Variants in FBLN1 observed in about 807,000 individuals in gnomAD.
The protein encoded by FBLN1 is fibulin-1.
FBLN1 carries 34 observed loss-of-function variants against 89.7 expected under a neutral mutation model. That is an observed-to-expected ratio of 0.38 (90% CI 0.29 to 0.50). The LOEUF is 0.50. Among genes scored for constraint, FBLN1 ranks in the 20% least tolerant of loss-of-function variants. The pLI is 0.92. For missense variants in FBLN1, 777 were observed against 988.1 expected (o/e 0.79, Z 2.86); for synonymous variants, 393 against 391.3 (o/e 1.00, Z -0.05).
intron 16 of FBLN1, among the ~76,000 whole-genome samples, chr22:45,594,697 GAT>G: frequency 8.5e-6 from 1 of 118,168 alleles, no homozygotes; most frequent in African/African-American, 5.4e-5. Flanking sequence ...TTGGTGGATA[GAT>G]GGATGGATGG....
chr22:45,548,573 T>C, intron 12 of FBLN1, 40 bp from the exon 13 acceptor site: 1 of 1,612,256 alleles, frequency 6.2e-7, no homozygotes, highest in Non-Finnish European at 8.5e-7. Context: ...CATGGCCAGG[T>C]GCCAGGACAC....
At chr22:45,554,141 T>C (rs973158724) in intron 14 of FBLN1, among the ~76,000 whole-genome samples, 8 of 152,204 alleles carry the variant, frequency 5.3e-5, no homozygotes, top group Non-Finnish European at 8.8e-5. Flanking sequence ...TTCCAGCCAG[T>C]AGAGCGGGAG....
intron 14 of FBLN1, among the ~76,000 whole-genome samples, chr22:45,569,017 C>T (rs2088928391): frequency 6.6e-6 from 1 of 152,180 alleles, no homozygotes; most frequent in Non-Finnish European, 1.5e-5. Context: ...GGATAACGGT[C>T]ATCTTGGATC....
At chr22:45,541,783 C>T (rs966621337) in intron 9 of FBLN1, among the ~76,000 whole-genome samples, 2 of 152,258 alleles carry the variant, frequency 1.3e-5, no homozygotes, top group South Asian at 2.1e-4. Context: ...TTTGCTCTCA[C>T]GTCATTCCCT....
rs1444951179 is a variant in FBLN1 at position 45,562,368 on chromosome 22, G to GA, written c.1697+11754dup. On this transcript the variant is annotated intron_variant, in intron 14 of 16. Coordinates refer to ENST00000327858, the MANE Select transcript of FBLN1 (RefSeq NM_006486.3). The surrounding 1 kb of genome is among the most constrained non-coding windows in gnomAD (Gnocchi z 7.8). The stretch of plus-strand genomic sequence containing the variant: ...GAAGTGGGAAGGCCACATTCTCTCT[G>GA]AGCCTCAGTGTCCTCATGTGAAAAA... Among the ~76,000 whole-genome samples, 1 of 152,224 alleles carries GA rather than the reference G, an allele frequency of 6.6e-6. No individual in the cohort carries two copies. The highest frequency in any genetic ancestry group is 6.5e-5 in the Admixed American group (1 of 15,288).
chr22:45,525,632 C>T lies in FBLN1; in HGVS notation c.275C>T (p.Ala92Val). 1 of 1,551,178 alleles carries T rather than the reference C, an allele frequency of 6.4e-7. No individual in the cohort carries two copies. The highest frequency in any genetic ancestry group is 8.7e-7 in the Non-Finnish European group (1 of 1,146,970). ...CTGGCCAACGAGCAGGACCGCTGTG[C>T]CACGCCCCACGGTGACAACGCCAGC... ...ISLANEQDRC[A>V]TPHGDNASLE... The change falls in exon 3 of 17, where the codon GCC becomes GTC. Residue 92 changes from alanine to valine, a missense_variant. Transcript: ENST00000327858.
rs550746067 is a variant in FBLN1, at chr22:45,574,972, C to T, written c.1840+319C>T. Reference sequence around the variant, plus strand: ...AATCTTTTTGTATTTTTAGTAAAGACGGGGTTTCACCGTGTTCGCCAGGAT... The same window carrying T: ...AATCTTTTTGTATTTTTAGTAAAGATGGGGTTTCACCGTGTTCGCCAGGAT... On this transcript the variant is annotated intron_variant, in intron 15 of 16. Coordinates refer to ENST00000327858, the MANE Select transcript of FBLN1 (RefSeq NM_006486.3). The surrounding 1 kb of genome is among the most constrained non-coding windows in gnomAD (Gnocchi z 4.1). Among the ~76,000 whole-genome samples, 26 of 151,944 alleles carry T rather than the reference C, an allele frequency of 1.7e-4. No individual in the cohort carries two copies. Among genetic ancestry groups the T allele is most frequent in the Admixed American group, 3.3e-4 (5 of 15,254 alleles).
At position 45,583,634 on chromosome 22, in the gene FBLN1, G is replaced by A. The variant is rs931824160; in HGVS notation, c.1972+6526G>A. Among the ~76,000 whole-genome samples, 4 of 152,192 alleles carry A rather than the reference G, an allele frequency of 2.6e-5. No homozygotes were observed. Among genetic ancestry groups the A allele is most frequent in the African/African-American group, 4.8e-5 (2 of 41,440 alleles). On this transcript the variant is annotated intron_variant, in intron 16 of 16. Transcript: ENST00000327858. This position sits in a 1 kb window ranked among gnomAD's most constrained non-coding sequence, Gnocchi z 4.5. ...TATACCTTCTAGGCCTGATCAGGAA[G>A]GAAGCTGGGTTTTGGTGTGCCAGTC...
chr22:45,519,611 C>G (rs1449309382), intron 2 of FBLN1, among the ~76,000 whole-genome samples: 1 of 127,528 alleles, frequency 7.8e-6, no homozygotes, highest in South Asian at 2.6e-4. Context: ...GCAACAACAG[C>G]GAAACTCTAA....
intron 10 of FBLN1, 99 bp from the exon 11 acceptor site, chr22:45,543,302 G>T (rs2088581989): frequency 5.6e-6 from 8 of 1,421,024 alleles, no homozygotes; most frequent in Non-Finnish European, 7.8e-6. Flanking sequence ...GGCTGGAGGA[G>T]GTGGAGGACA....
At chr22:45,517,879 C>G (rs2146949191) in intron 1 of FBLN1, among the ~76,000 whole-genome samples, 1 of 151,986 alleles carries the variant, frequency 6.6e-6, no homozygotes, top group East Asian at 1.9e-4. Flanking sequence ...GCCTGTAATC[C>G]CAGCACTTTG....
intron 2 of FBLN1, among the ~76,000 whole-genome samples, chr22:45,523,516 A>T (rs1319731468): frequency 6.6e-6 from 1 of 152,232 alleles, no homozygotes; most frequent in Admixed American, 6.5e-5. Flanking sequence ...CATCCTGGCC[A>T]ACATGGCAAG....
At position 45,576,660 on chromosome 22, in the gene FBLN1, C is replaced by T. The variant is rs1375452343; in HGVS notation, c.1841-317C>T. Among the ~76,000 whole-genome samples the T allele has an allele frequency of 6.6e-6, 1 of 152,194 alleles. No homozygotes were observed. Among genetic ancestry groups the T allele is most frequent in the Admixed American group, 6.5e-5 (1 of 15,280 alleles). ...TCACTCGCTTTCCTCCTCTGGTCCC[C>T]ACCTTCATGAATATGCACAGTGACT... is the stretch of plus-strand genomic sequence containing the variant. On this transcript the variant is annotated intron_variant, in intron 15 of 16. Transcript: ENST00000327858. The surrounding 1 kb of genome is among the most constrained non-coding windows in gnomAD (Gnocchi z 5.2).
rs1014553024 is a variant in FBLN1 at position 45,530,716 on chromosome 22, A to G, written c.485-549A>G. ...TTGGACTATGGGAATATCACCCAGC[A>G]TGAAGTCAATGATTACAGGCCTTTG... is the stretch of plus-strand genomic sequence containing the variant. On this transcript the variant is annotated intron_variant, in intron 4 of 16. Coordinates refer to ENST00000327858, the MANE Select transcript of FBLN1 (RefSeq NM_006486.3). This position sits in a 1 kb window ranked among gnomAD's most constrained non-coding sequence, Gnocchi z 5.4. Among the ~76,000 whole-genome samples the G allele has an allele frequency of 5.3e-5, 8 of 152,130 alleles. No homozygotes were observed. The highest frequency in any genetic ancestry group is 1.0e-4 in the Non-Finnish European group (7 of 68,026).
chr22:45,509,178 A>T (rs989054369), intron 1 of FBLN1, among the ~76,000 whole-genome samples: 2 of 152,052 alleles, frequency 1.3e-5, no homozygotes, highest in Non-Finnish European at 2.9e-5. Context: ...ACCAGGGGAG[A>T]TGCGTCCTGG....
chr22:45,533,857 G>T lies in FBLN1; in HGVS notation c.743G>T (p.Cys248Phe). ...TTCCGCTGCCAGCGGGACAGCAGCT[G>T]CGGGACTGGCTATGAGCTCACAGAG... ...GSFRCQRDSS[C>F]GTGYELTEDN... is the part of the protein sequence containing the mutation. Residue 248 changes from cysteine (C) to phenylalanine (F), a missense_variant, in exon 7 of 17, where the codon TGC becomes TTC. Cys to Phe is a radical substitution (Grantham distance 205). Coordinates refer to ENST00000327858, the MANE Select transcript of FBLN1 (RefSeq NM_006486.3). 6.2e-7 allele frequency: 1 copy of T among 1,614,134 alleles called. No individual in the cohort carries two copies. Among genetic ancestry groups the T allele is most frequent in the Non-Finnish European group, 8.5e-7 (1 of 1,180,036 alleles).
rs769457715 is a variant in FBLN1 at position 45,575,872 on chromosome 22, G to A, written c.1841-1105G>A. 3.3e-5 allele frequency among the ~76,000 whole-genome samples: 5 copies of A among 152,206 alleles called. No homozygotes were observed. The highest frequency in any genetic ancestry group is 4.1e-4 in the South Asian group (2 of 4,828). ...TAGGGAGTCCCTATCCCTGGCCTGC[G>A]GAGAAGCATGCCATGATGAGTTCAT... On this transcript the variant is annotated intron_variant, in intron 15 of 16. Transcript: ENST00000327858. The surrounding 1 kb of genome is among the most constrained non-coding windows in gnomAD (Gnocchi z 6.3).
At chr22:45,571,648 G>A (rs2088954332) in intron 14 of FBLN1, among the ~76,000 whole-genome samples, 1 of 152,190 alleles carries the variant, frequency 6.6e-6, no homozygotes, top group African/African-American at 2.4e-5. Context: ...GAAAGAATGT[G>A]CCTTTGTAAT....
intron 10 of FBLN1, 52 bp downstream of exon 10, chr22:45,542,335 G>A: frequency 6.2e-7 from 1 of 1,610,818 alleles, no homozygotes; most frequent in Non-Finnish European, 8.5e-7. Context: ...GTGGCACCAG[G>A]GACACATTTC....
Sources: gnomAD v4.1 joint callset for allele counts (sites outside exome capture counted in the v4.1 genomes callset) on GRCh38, gnomAD v4.1.1 for gene constraint, Gnocchi (gnomAD v3.1) non-coding constraint, MANE v1.5 for transcripts, NCBI Gene and HGNC (gene_info 2026-07-23, HGNC 2026-07-21) for gene names.